GNG2: variants seen among roughly 807,000 people sequenced by gnomAD.
The protein encoded by GNG2 is G protein subunit gamma 2.
GNG2 carries 5 observed loss-of-function variants against 5.5 expected under a neutral mutation model. The ratio of observed to expected loss-of-function variants is 0.91; its 90% confidence interval spans 0.48 to 1.92. GNG2 has a LOEUF of 1.92. Among genes scored for constraint, GNG2 ranks in the 30% most tolerant of loss-of-function variants. GNG2 has a pLI of 0.01. For missense variants in GNG2, 55 were observed against 88.4 expected (o/e 0.62, Z 1.52); for synonymous variants, 28 against 32.0 (o/e 0.88, Z 0.42).
At chr14:51,852,120 G>A (rs1484761299) in intron 2 of GNG2, among the ~76,000 whole-genome samples, 1 of 152,052 alleles carries the variant, frequency 6.6e-6, no homozygotes, top group African/African-American at 2.4e-5. Context: ...GAACTAGGAA[G>A]GAATCAATGA....
intron 2 of GNG2, among the ~76,000 whole-genome samples, chr14:51,885,086 T>C (rs1035353245): frequency 6.6e-6 from 1 of 151,970 alleles, no homozygotes; most frequent in African/African-American, 2.4e-5. Flanking sequence ...ATAATTGGAG[T>C]CCATGAATCC....
rs73295011 is a variant in GNG2, at chr14:51,907,773, C to T, written c.-30+30116C>T. Among the ~76,000 whole-genome samples the T allele has an allele frequency of 8.0e-3, 1,216 of 152,282 alleles. 21 individuals are homozygous for T. The highest frequency in any genetic ancestry group is 0.028 in the African/African-American group (1,163 of 41,534). ...GTGATGTCCCTTGGATTCAGTCCCC[C>T]TCTCCTCATCATTAGTGGTATCCTC... On this transcript the variant is annotated intron_variant, in intron 2 of 3. Coordinates refer to ENST00000556766, the MANE Select transcript of GNG2 (RefSeq NM_053064.5).
At chr14:51,951,483 GTAAATTTC>G (rs1347355069) in intron 3 of GNG2, among the ~76,000 whole-genome samples, 1 of 152,176 alleles carries the variant, frequency 6.6e-6, no homozygotes, top group Non-Finnish European at 1.5e-5. Context: ...CGGTGGCAAA[GTAAATTTC>G]TGTTAACCAT....
chr14:51,845,966 T>A (rs1395470629), intron 2 of GNG2, among the ~76,000 whole-genome samples: 3 of 152,184 alleles, frequency 2.0e-5, no homozygotes, highest in Admixed American at 1.3e-4. Flanking sequence ...TGCTCCAGCA[T>A]CTATAAAACA....
intron 2 of GNG2, among the ~76,000 whole-genome samples, chr14:51,838,162 T>C (rs1230286772): frequency 6.6e-6 from 1 of 152,082 alleles, no homozygotes; most frequent in Non-Finnish European, 1.5e-5. Context: ...TCTACACAAT[T>C]CTGAAAAGTG....
intron 2 of GNG2, among the ~76,000 whole-genome samples, chr14:51,889,526 G>A (rs1204401046): frequency 6.6e-6 from 1 of 151,994 alleles, no homozygotes; most frequent in Non-Finnish European, 1.5e-5. Flanking sequence ...GAATTTTATG[G>A]TATTTCATTA....
intron 3 of GNG2, among the ~76,000 whole-genome samples, chr14:51,951,062 A>G (rs2236561): frequency 0.35 from 52,981 of 151,874 alleles, 9,755 homozygotes; most frequent in Middle Eastern, 0.42. Context: ...ATATCAGCGC[A>G]CTAGTTCCCC....
chr14:51,894,660 T>C (rs1489878119), intron 2 of GNG2, among the ~76,000 whole-genome samples: 3 of 152,092 alleles, frequency 2.0e-5, no homozygotes, highest in Non-Finnish European at 4.4e-5. Flanking sequence ...TTTTTTTAAG[T>C]ATAATTTTAT....
chr14:51,904,212 C>A (rs1308134096), intron 2 of GNG2, among the ~76,000 whole-genome samples: 2 of 152,188 alleles, frequency 1.3e-5, no homozygotes, highest in Non-Finnish European at 2.9e-5. Context: ...GCTGCCACAG[C>A]TGTCTCTGAA....
At chr14:51,861,117 C>CCCG (rs1468723244) in intron 1 of GNG2, among the ~76,000 whole-genome samples, 2 of 152,054 alleles carry the variant, frequency 1.3e-5, no homozygotes, top group Non-Finnish European at 2.9e-5. Flanking sequence ...GTCATCGGAG[C>CCCG]CCGGCAGTCC....
intron 2 of GNG2, among the ~76,000 whole-genome samples, chr14:51,854,269 A>G (rs1882047271): frequency 6.6e-6 from 1 of 152,186 alleles, no homozygotes; most frequent in Admixed American, 6.5e-5. Context: ...GTAGTAACAC[A>G]TTTGGTTTAA....
rs74051374 is a variant in GNG2, at chr14:51,951,753, G to T, written c.87+988G>T. 3,337 of 590,570 alleles carry T rather than the reference G, an allele frequency of 5.7e-3. 101 individuals carry two copies. The highest frequency in any genetic ancestry group is 0.055 in the African/African-American group (2,897 of 53,094). The allele number at this position is 590,570 out of a possible 1,614,324, so 36.6% of individuals were successfully genotyped here. A position where few individuals can be genotyped will look rare whatever the true frequency, so the allele number is the denominator to read the frequency against. On this transcript the variant is annotated intron_variant, in intron 3 of 3. Transcript: ENST00000556766. The stretch of plus-strand genomic sequence containing the variant: ...CCAGCCCACTGCCTATGTTTATAAA[G>T]AAAGTTTTATTAGAACACACTCATT...
At chr14:51,884,762 G>A (rs1024171832) in intron 2 of GNG2, among the ~76,000 whole-genome samples, 2 of 152,152 alleles carry the variant, frequency 1.3e-5, no homozygotes, top group Non-Finnish European at 2.9e-5. Flanking sequence ...ATTCTGTTCC[G>A]ATTTTCTTAG....
chr14:51,865,776 A>T (rs1289590230), intron 1 of GNG2, among the ~76,000 whole-genome samples: 1 of 152,170 alleles, frequency 6.6e-6, no homozygotes, highest in Non-Finnish European at 1.5e-5. Context: ...CTGTGTACAA[A>T]CTTGTTCAGG....
intron 2 of GNG2, among the ~76,000 whole-genome samples, chr14:51,936,704 C>G (rs1054455632): frequency 1.3e-5 from 2 of 151,962 alleles, no homozygotes; most frequent in Non-Finnish European, 2.9e-5. Flanking sequence ...GTGCATGCCA[C>G]CATGCCTGGC....
upstream of GNG2, among the ~76,000 whole-genome samples, chr14:51,855,466 G>A (rs1166222121): frequency 3.3e-5 from 5 of 152,186 alleles, no homozygotes; most frequent in Admixed American, 3.3e-4. Flanking sequence ...ATGATCCTGT[G>A]ACACACAGAT....
chr14:51,945,739 GTCT>G (rs1482207335), intron 2 of GNG2, among the ~76,000 whole-genome samples: 1 of 151,666 alleles, frequency 6.6e-6, no homozygotes, highest in African/African-American at 2.4e-5. Flanking sequence ...CAGTGTAGAG[GTCT>G]TCTTTTAGCA....
chr14:51,845,183 C>A (rs1428675176), intron 2 of GNG2, among the ~76,000 whole-genome samples: 2 of 152,196 alleles, frequency 1.3e-5, no homozygotes, highest in African/African-American at 4.8e-5. Context: ...GGCCAAATCA[C>A]TTTTTAAAAA....
intron 2 of GNG2, among the ~76,000 whole-genome samples, chr14:51,942,589 C>CTTTCTTTCTTTCTTTCTTTCTTTCT (rs761049973): frequency 5.2e-4 from 42 of 81,128 alleles, no homozygotes; most frequent in African/African-American, 1.9e-3. Flanking sequence ...TTCTTTCTTT[C>CTTTCTTTCTTTCTTTCTTTCTTTCT]TTTTTTTTTT....
Sources: allele counts gnomAD v4.1 joint callset (sites outside exome capture counted in the v4.1 genomes callset), GRCh38; gene constraint gnomAD v4.1.1; transcripts MANE v1.5; gene names NCBI Gene and HGNC (gene_info 2026-07-23, HGNC 2026-07-21).